PTPRD: variants seen among roughly 807,000 people sequenced by gnomAD.
PTPRD encodes the protein receptor-type tyrosine-protein phosphatase delta.
PTPRD carries 34 observed loss-of-function variants against 214.5 expected under a neutral mutation model. The ratio of observed to expected loss-of-function variants is 0.16; its 90% CI spans 0.12 to 0.21. The LOEUF (loss-of-function observed/expected upper bound fraction) is 0.21. Among genes scored for constraint, PTPRD ranks in the 10% least tolerant of loss-of-function variants. The pLI is 1.00. For synonymous variants in PTPRD, 1,128 were observed against 845.7 expected, an observed-to-expected ratio of 1.33 and a Z score of -5.79; for missense variants, 2,545 against 2,398.7, an observed-to-expected ratio of 1.06 and a Z score of -1.27.
intron 2 of PTPRD, among the ~76,000 whole-genome samples, chr9:10,494,919 C>T (rs62537982): frequency 0.12 from 17,535 of 151,520 alleles, 1,358 homozygotes; most frequent in Non-Finnish European, 0.17. Flanking sequence ...ATATTGTTGA[C>T]ATACAGATTT....
chr9:10,503,128 A>G (rs905609539), intron 2 of PTPRD, among the ~76,000 whole-genome samples: 1 of 149,480 alleles, frequency 6.7e-6, no homozygotes, highest in Non-Finnish European at 1.5e-5. Flanking sequence ...GATGATTTAC[A>G]GAATTAAAAG....
At chr9:9,904,878 G>C (rs2077193273) in intron 5 of PTPRD, among the ~76,000 whole-genome samples, 1 of 152,026 alleles carries the variant, frequency 6.6e-6, no homozygotes, top group African/African-American at 2.4e-5. Flanking sequence ...GTGAAATAAC[G>C]AAGTGGGGAT....
chr9:9,109,248 G>A (rs2099802828), intron 10 of PTPRD, among the ~76,000 whole-genome samples: 2 of 152,126 alleles, frequency 1.3e-5, no homozygotes, highest in South Asian at 4.1e-4. Flanking sequence ...TATCTATGTA[G>A]AGATTAGCAG....
At chr9:9,228,192 C>T (rs1328626410) in intron 9 of PTPRD, among the ~76,000 whole-genome samples, 2 of 151,928 alleles carry the variant, frequency 1.3e-5, no homozygotes, top group Non-Finnish European at 2.9e-5. Flanking sequence ...TCTTATAACC[C>T]CTGTGCTTCA....
chr9:8,819,969 C>T (rs1389451902), intron 11 of PTPRD, among the ~76,000 whole-genome samples: 1 of 151,992 alleles, frequency 6.6e-6, no homozygotes, highest in Non-Finnish European at 1.5e-5. Context: ...GAGTTGAGTG[C>T]CCTTGTTTCA....
intron 2 of PTPRD, among the ~76,000 whole-genome samples, chr9:10,464,594 T>A (rs959947304): frequency 6.6e-6 from 1 of 152,088 alleles, no homozygotes; most frequent in Non-Finnish European, 1.5e-5. Flanking sequence ...TACACCCCTA[T>A]ATCACAGATT....
rs1554784504 is a variant in PTPRD, at chr9:8,557,455, T to TACACATAC, written c.353-28677_353-28676insGTATGTGT. On this transcript the variant is annotated intron_variant, in intron 14 of 45. Transcript: ENST00000381196. ...AAATACATATATATATATATATATA[T>TACACATAC]ATTTGGGCCGGGCGCGGTGGCTCAT... Among the ~76,000 whole-genome samples, 66 of 135,614 alleles carry TACACATAC rather than the reference T, an allele frequency of 4.9e-4. 1 individual carries two copies. Among genetic ancestry groups the TACACATAC allele is most frequent in the African/African-American group, 2.1e-3 (60 of 28,782 alleles). 89.0% of individuals were successfully genotyped at this position (135,614 alleles called of 152,430 possible).
chr9:10,443,414 T>G (rs1360722572), intron 2 of PTPRD, among the ~76,000 whole-genome samples: 1 of 151,522 alleles, frequency 6.6e-6, no homozygotes, highest in Non-Finnish European at 1.5e-5. Flanking sequence ...TCACCAACTG[T>G]CCCTTGAATC....
intron 11 of PTPRD, among the ~76,000 whole-genome samples, chr9:8,743,088 A>T (rs2092287470): frequency 7.5e-6 from 1 of 132,926 alleles, no homozygotes; most frequent in South Asian, 3.1e-4. Flanking sequence ...ATTGGCACAG[A>T]GGAAAAATTC....
chr9:8,969,743 C>A (rs1261490682), intron 11 of PTPRD, among the ~76,000 whole-genome samples: 1 of 151,646 alleles, frequency 6.6e-6, no homozygotes, highest in African/African-American at 2.4e-5. Context: ...TGATAGTGAG[C>A]CATCAGAATG....
intron 7 of PTPRD, among the ~76,000 whole-genome samples, chr9:9,718,855 C>G (rs372804699): frequency 8.5e-5 from 13 of 152,268 alleles, no homozygotes; most frequent in East Asian, 7.7e-4. Context: ...TTGGCACGTG[C>G]CTGGTGTTGA....
intron 11 of PTPRD, among the ~76,000 whole-genome samples, chr9:8,996,070 C>T (rs1027071755): frequency 6.6e-6 from 1 of 151,966 alleles, no homozygotes; most frequent in African/African-American, 2.4e-5. Context: ...GGTAAACATA[C>T]ACTTTATATG....
rs187479253 is a variant in PTPRD at position 8,503,301 on chromosome 9, A to G, written c.1822+960T>C. ...TGATAGGTCTAAATATGAGGTTAAC[A>G]GAGCATCTTCTTGACAAAATTCAAT... is the stretch of plus-strand genomic sequence containing the variant. On this transcript the variant is annotated intron_variant, in intron 23 of 45. Coordinates refer to ENST00000381196, the MANE Select transcript of PTPRD (RefSeq NM_002839.4). Among the ~76,000 whole-genome samples, 16 of 152,286 alleles carry G rather than the reference A, an allele frequency of 1.1e-4. No homozygotes were observed. In the East Asian group the frequency reaches 3.1e-3, roughly 29 times the overall value.
intron 5 of PTPRD, among the ~76,000 whole-genome samples, chr9:9,896,292 G>C (rs1429196441): frequency 6.6e-6 from 1 of 152,010 alleles, no homozygotes; most frequent in East Asian, 1.9e-4. Flanking sequence ...TTAAAGACAA[G>C]GTAAGAAAAG....
intron 20 of PTPRD, among the ~76,000 whole-genome samples, chr9:8,519,054 T>C (rs548845941): frequency 6.6e-6 from 1 of 152,242 alleles, no homozygotes; most frequent in South Asian, 2.1e-4. Flanking sequence ...TAAGACACAA[T>C]ACCATTACTA....
intron 34 of PTPRD, among the ~76,000 whole-genome samples, chr9:8,448,061 A>C (rs2095802595): frequency 6.6e-6 from 1 of 152,080 alleles, no homozygotes; most frequent in African/African-American, 2.4e-5. Context: ...GTGGTGGCTA[A>C]TGCCTGTAAT....
intron 7 of PTPRD, among the ~76,000 whole-genome samples, chr9:9,696,737 CTTGT>C (rs2097382040): frequency 6.6e-6 from 1 of 151,946 alleles, no homozygotes; most frequent in Non-Finnish European, 1.5e-5. Flanking sequence ...ATAGTTGTGC[CTTGT>C]TTCTTTATTC....
rs141715294 is a variant in PTPRD, at chr9:9,915,061, C to T, written c.-368+23446G>A. ...GGTGAGCCAACTTTCAGCAAAGCCT[C>T]GCCATTATCACCACAAACTCTCTTA... On this transcript the variant is annotated intron_variant, in intron 5 of 45. Coordinates refer to ENST00000381196, the MANE Select transcript of PTPRD (RefSeq NM_002839.4). Among the ~76,000 whole-genome samples the T allele has an allele frequency of 4.7e-4, 71 of 152,250 alleles. No individual in the cohort carries two copies. In the East Asian group the frequency reaches 8.9e-3, roughly 19 times the overall value.
At chr9:9,480,433 C>A (rs1234633462) in intron 8 of PTPRD, among the ~76,000 whole-genome samples, 1 of 152,006 alleles carries the variant, frequency 6.6e-6, no homozygotes, top group South Asian at 2.1e-4. Context: ...TCTTCCAGAT[C>A]TCAAAACACA....
Sources: allele counts gnomAD v4.1 joint callset (sites outside exome capture counted in the v4.1 genomes callset), GRCh38; gene constraint gnomAD v4.1.1; transcripts MANE v1.5; gene names NCBI Gene and HGNC (gene_info 2026-07-23, HGNC 2026-07-21).